SCN1A: variants seen among roughly 807,000 people sequenced by gnomAD.
SCN1A encodes sodium voltage-gated channel alpha subunit 1, also known as sodium channel protein type 1 subunit alpha.
Under a neutral mutation model 193.7 loss-of-function variants are expected in SCN1A, and 13 were observed. The observed-to-expected ratio is 0.07, with a 90% CI of 0.04 to 0.11. The LOEUF (loss-of-function observed/expected upper bound fraction) is 0.11. SCN1A is among the 10% of genes least tolerant of loss of function. The pLI, the probability that SCN1A is intolerant of heterozygous loss-of-function variation, is 1.00. For missense variants in SCN1A, 1,432 were observed against 2,451.1 expected (o/e 0.58, Z 8.78); for synonymous variants, 781 against 843.6 (o/e 0.93, Z 1.29).
At chr2:166,054,851 A>G in intron 6 of SCN1A, 85 bp from the exon 7 acceptor site, 1 of 1,233,702 alleles carries the variant, frequency 8.1e-7, no homozygotes, top group Non-Finnish European at 1.2e-6. Context: ...TCAGTGGAAT[A>G]GATAAATACT....
chr2:166,141,764 G>A (rs1692097731), intron 1 of SCN1A, among the ~76,000 whole-genome samples: 1 of 149,202 alleles, frequency 6.7e-6, no homozygotes, highest in African/African-American at 2.5e-5. Context: ...CAATGCGGAT[G>A]TATACATTTC....
chr2:165,997,931 T>C, intron 26 of SCN1A, 107 bp downstream of exon 26: 1 of 837,386 alleles, frequency 1.2e-6, no homozygotes, highest in East Asian at 2.6e-5. Flanking sequence ...TCAGTTATAA[T>C]ATATACTCCC....
intron 2 of SCN1A, among the ~76,000 whole-genome samples, chr2:166,102,217 C>T (rs965501561): frequency 9.2e-5 from 14 of 152,178 alleles, no homozygotes; most frequent in South Asian, 2.1e-4. Context: ...AAGTCATGGG[C>T]GGGGCGCGGT....
chr2:166,071,254 T>C (rs555670912), intron 4 of SCN1A, among the ~76,000 whole-genome samples: 2 of 152,338 alleles, frequency 1.3e-5, no homozygotes, highest in East Asian at 3.9e-4. Context: ...TTGTTTAGTT[T>C]GGGCTTTGGC....
rs1688681336 is a variant in SCN1A at position 165,987,484 on chromosome 2, T to C, written c.*3761A>G. On this transcript the variant is annotated 3_prime_UTR_variant, in exon 29 of 29. Coordinates refer to ENST00000674923, the MANE Select transcript of SCN1A (RefSeq NM_001165963.4). ...CATTAGGGTGATTGCCAAATAGTGA[T>C]TTTTCTAACTCCGTTATTTCTTCTA... is the stretch of plus-strand genomic sequence containing the variant. 1 of 152,200 alleles carries C rather than the reference T, an allele frequency of 6.6e-6. No homozygotes were observed. Among genetic ancestry groups the C allele is most frequent in the Non-Finnish European group, 1.5e-5 (1 of 68,026 alleles). The allele number at this position is 152,200 out of a possible 1,614,324, so 9.4% of individuals were successfully genotyped here.
upstream of SCN1A, among the ~76,000 whole-genome samples, chr2:166,131,346 T>C (rs944274188): frequency 4.6e-5 from 7 of 151,746 alleles, no homozygotes; most frequent in Non-Finnish European, 8.8e-5. Flanking sequence ...GAAAAGAGAA[T>C]GAAGGCGTAA....
chr2:166,070,065 T>C (rs1684255868), intron 4 of SCN1A, among the ~76,000 whole-genome samples: 1 of 152,208 alleles, frequency 6.6e-6, no homozygotes, highest in Non-Finnish European at 1.5e-5. Flanking sequence ...ATTCCAACTT[T>C]AGTCAGAGCA....
intron 19 of SCN1A, among the ~76,000 whole-genome samples, chr2:166,019,062 C>G (rs1693682948): frequency 6.6e-6 from 1 of 152,026 alleles, no homozygotes; most frequent in South Asian, 2.1e-4. Flanking sequence ...GGCTGTAGAT[C>G]CAGGAATTGG....
rs796420549 is a variant in SCN1A at position 166,072,837 on chromosome 2, C to CTTTTTT, written c.264+515_264+520dup. On this transcript the variant is annotated intron_variant, in intron 4 of 28. Transcript: ENST00000674923. ...CCTTCCCTCCCACCCTCTCTTCTTT[C>CTTTTTT]TTTTTTTTTTTTTTTTTTTTGACAC... Among the ~76,000 whole-genome samples the CTTTTTT allele has an allele frequency of 1.1e-3, 134 of 119,422 alleles. 2 individuals carry two copies. Among genetic ancestry groups the CTTTTTT allele is most frequent in the East Asian group, 4.7e-3 (18 of 3,848 alleles). 78.3% of individuals were successfully genotyped at this position (119,422 alleles called of 152,430 possible).
At position 166,045,317 on chromosome 2, in the gene SCN1A, G is replaced by C. The variant is rs752591998; in HGVS notation, c.1388C>G (p.Thr463Arg). 6.2e-7 allele frequency: 1 copy of C among 1,613,960 alleles called. No individual in the cohort carries two copies. Among genetic ancestry groups the C allele is most frequent in the South Asian group, 1.1e-5 (1 of 91,094 alleles). The change falls in exon 13 of 29, where the codon ACG becomes AGG. Residue 463 changes from threonine (T) to arginine (R), a missense_variant. Transcript: ENST00000674923. ...KQQEAAQQAATATASEHSREP... is the reference protein window; with the variant it reads ...KQQEAAQQAARATASEHSREP... ...TCTGGAATGTTCTGAGGCAGTTGCC[G>C]TTGCTGCCTGCTATATTGAAGAGAA... is the stretch of plus-strand genomic sequence containing the variant.
chr2:166,039,416 T>C lies in SCN1A; in HGVS notation c.2589+7A>G. The C allele has an allele frequency of 1.2e-6, 2 of 1,610,490 alleles. No homozygotes were observed. Among genetic ancestry groups the C allele is most frequent in the East Asian group, 4.5e-5 (2 of 44,820 alleles). On this transcript the variant is annotated splice_region_variant and intron_variant, in intron 17 of 28. Coordinates refer to ENST00000674923, the MANE Select transcript of SCN1A (RefSeq NM_001165963.4). Reference sequence around the variant, plus strand: ...TTGAATTTGGTGCTTTTTTTTTTTTTTTTTACCAATCGAAATGAACGGAGA... The same window carrying C: ...TTGAATTTGGTGCTTTTTTTTTTTTCTTTTACCAATCGAAATGAACGGAGA...
upstream of SCN1A, among the ~76,000 whole-genome samples, chr2:166,131,423 G>A (rs1360849197): frequency 6.6e-6 from 1 of 151,322 alleles, no homozygotes; most frequent in Non-Finnish European, 1.5e-5. Context: ...GAATGTGGTT[G>A]TTACTTTGTT....
chr2:165,993,180 A>AGAGTGTGTGT (rs1195650051), intron 28 of SCN1A: 1 of 143,166 alleles, frequency 7.0e-6, no homozygotes, highest in African/African-American at 2.6e-5. Context: ...GAAGTGTAAG[A>AGAGTGTGTGT]GTGTGTGTGT....
chr2:166,117,955 T>C (rs1267794650), intron 2 of SCN1A, among the ~76,000 whole-genome samples: 1 of 123,126 alleles, frequency 8.1e-6, no homozygotes, highest in Non-Finnish European at 1.7e-5. Flanking sequence ...AGAGTGAGAC[T>C]CTGTCTCAAA....
chr2:166,020,859 TAC>T (rs1693968564), intron 19 of SCN1A, among the ~76,000 whole-genome samples: 1 of 152,136 alleles, frequency 6.6e-6, no homozygotes, highest in South Asian at 2.1e-4. Flanking sequence ...GATGATGAAT[TAC>T]AAGTGCAGCT....
rs928287425 is a variant in SCN1A, at chr2:166,106,998, G to GT, written c.-142+19925dup. The stretch of plus-strand genomic sequence containing the variant: ...CTTGTACATGAATATCATTATTCAT[G>GT]TTTTTTTAAAATCACAGACTATACT... On this transcript the variant is annotated intron_variant, in intron 2 of 28. Coordinates refer to ENST00000674923, the MANE Select transcript of SCN1A (RefSeq NM_001165963.4). 4.6e-5 allele frequency among the ~76,000 whole-genome samples: 7 copies of GT among 152,032 alleles called. No homozygotes were observed. The South Asian group carries it at 6.2e-4, about 14-fold the overall frequency.
chr2:166,052,727 T>A, intron 8 of SCN1A, 125 bp downstream of exon 8: 1 of 832,160 alleles, frequency 1.2e-6, no homozygotes, highest in Non-Finnish European at 2.0e-6. Context: ...GTCTAAACAA[T>A]AAGAATCATT....
At chr2:166,002,099 C>CTATCTGT (rs1690955801) in intron 24 of SCN1A, among the ~76,000 whole-genome samples, 2 of 151,524 alleles carry the variant, frequency 1.3e-5, no homozygotes, top group Non-Finnish European at 3.0e-5. Flanking sequence ...GGAAGATGAT[C>CTATCTGT]TATCTGTTAA....
Position 165,996,080 on chromosome 2 carries a change from T to C in SCN1A, c.4514A>G (p.Lys1505Arg). 26 of 1,609,146 alleles carry C rather than the reference T, an allele frequency of 1.6e-5. No homozygotes were observed. Among genetic ancestry groups the C allele is most frequent in the Non-Finnish European group, 2.2e-5 (26 of 1,176,650 alleles). The change falls in exon 27 of 29, where the codon AAG (lysine) becomes AGG (arginine). Residue 1505 changes from lysine (K) to arginine (R), a missense_variant. Physicochemically the swap from Lys to Arg is conservative, Grantham distance 26. Around this residue, in one of 18 missense-constraint regions of SCN1A, gnomAD observed 85 missense variants for 119.1 expected, o/e 0.71. Coordinates refer to ENST00000674923, the MANE Select transcript of SCN1A (RefSeq NM_001165963.4). ...TTTTTTCATTGCATTATAGTATTTC[T>C]TCTGTTCTTCTGTCATAAAGATGTC... ...GQDIFMTEEQKKYYNAMKKLG... is the reference protein window; with the variant it reads ...GQDIFMTEEQRKYYNAMKKLG...
Sources: allele counts gnomAD v4.1 joint callset (sites outside exome capture counted in the v4.1 genomes callset), GRCh38; gene constraint gnomAD v4.1.1; regional missense constraint gnomAD v4.1.1; transcripts MANE v1.5; gene names NCBI Gene and HGNC (gene_info 2026-07-23, HGNC 2026-07-21).